DACH1: variants seen among roughly 807,000 people sequenced by gnomAD.
DACH1 encodes the protein dachshund homolog 1.
In DACH1, 12 loss-of-function variants were observed where a neutral mutation model predicts 54.2. The ratio of observed to expected loss-of-function variants is 0.22; its 90% CI spans 0.14 to 0.36. The LOEUF (loss-of-function observed/expected upper bound fraction) is 0.36. Ranked by LOEUF, DACH1 falls within the 10% of genes least tolerant of loss-of-function variation. The pLI is 1.00. For synonymous variants in DACH1, 386 were observed against 366.2 expected (o/e 1.05, Z -0.62); for missense variants, 805 against 929.8 (o/e 0.87, Z 1.75).
intron 1 of DACH1, among the ~76,000 whole-genome samples, chr13:71,722,280 T>A (rs182171432): frequency 2.8e-3 from 433 of 152,284 alleles, no homozygotes; most frequent in Non-Finnish European, 4.5e-3. Flanking sequence ...CCTATGAGAT[T>A]TTCTACCTTT....
intron 6 of DACH1, among the ~76,000 whole-genome samples, chr13:71,510,718 T>TTC (rs1446390374): frequency 6.6e-6 from 1 of 152,070 alleles, no homozygotes; most frequent in East Asian, 1.9e-4. Context: ...AATCTATTTA[T>TTC]TCATTTGAAG....
At chr13:71,476,613 G>T (rs950381111) in intron 8 of DACH1, among the ~76,000 whole-genome samples, 4 of 151,804 alleles carry the variant, frequency 2.6e-5, no homozygotes, top group Non-Finnish European at 4.4e-5. Context: ...ACAATAATGA[G>T]CCTTTTATAT....
chr13:71,790,796 T>C (rs303951), intron 1 of DACH1, among the ~76,000 whole-genome samples: 10,376 of 152,282 alleles, frequency 0.068, 906 homozygotes, highest in African/African-American at 0.2. Flanking sequence ...TGATTATTTT[T>C]ATTTCTTGCT....
intron 1 of DACH1, among the ~76,000 whole-genome samples, chr13:71,862,483 A>G (rs1237801550): frequency 6.6e-6 from 1 of 152,082 alleles, no homozygotes; most frequent in East Asian, 1.9e-4. Context: ...TTGTCCTTTG[A>G]CAACTTTTAA....
chr13:71,611,286 G>A (rs1875311402), intron 3 of DACH1, among the ~76,000 whole-genome samples: 1 of 152,272 alleles, frequency 6.6e-6, no homozygotes, highest in African/African-American at 2.4e-5. Flanking sequence ...TTTTAAAACT[G>A]AATTGGTTGC....
chr13:71,758,944 T>TC (rs1885285602), intron 1 of DACH1, among the ~76,000 whole-genome samples: 3 of 150,360 alleles, frequency 2.0e-5, no homozygotes, highest in African/African-American at 7.3e-5. Flanking sequence ...TTTTTTTTTT[T>TC]CCTGTGGTCC....
chr13:71,738,795 A>AG lies in DACH1; in HGVS notation c.849-56886_849-56885insC. On this transcript the variant is annotated intron_variant, in intron 1 of 10. Coordinates refer to ENST00000613252, the MANE Select transcript of DACH1 (RefSeq NM_080759.6). ...ACTATCAAATGCTCAAGAAAAAAAA[A>AG]CAGAAAGGAAAAGAGAATAAGGACT... Among the ~76,000 whole-genome samples, 4 of 151,370 alleles carry AG rather than the reference A, an allele frequency of 2.6e-5. No individual in the cohort carries two copies. In the South Asian group the frequency reaches 8.4e-4, roughly 32 times the overall value.
rs1463191518 is a variant in DACH1, at chr13:71,734,967, T to TAC, written c.849-53058_849-53057insGT. Reference sequence around the variant, plus strand: ...CACACACACACAGGATATATATATATATACACACACAGGATATATATATAT... The same window carrying TAC: ...CACACACACACAGGATATATATATATACATACACACACAGGATATATATATAT... On this transcript the variant is annotated intron_variant, in intron 1 of 10. Coordinates refer to ENST00000613252, the MANE Select transcript of DACH1 (RefSeq NM_080759.6). Among the ~76,000 whole-genome samples the TAC allele has an allele frequency of 8.4e-5, 9 of 106,514 alleles. No homozygotes were observed. The East Asian group carries it at 1.2e-3, about 15-fold the overall frequency. 69.9% of individuals were successfully genotyped at this position (106,514 alleles called of 152,430 possible). A position where few individuals can be genotyped will look rare whatever the true frequency, so the allele number is the denominator to read the frequency against.
intron 6 of DACH1, among the ~76,000 whole-genome samples, chr13:71,555,780 G>A (rs1037843337): frequency 3.3e-5 from 5 of 152,080 alleles, no homozygotes; most frequent in African/African-American, 9.7e-5. Context: ...AAAAATGTAA[G>A]TTAAAAATTT....
chr13:71,530,734 T>C (rs961968624), intron 6 of DACH1, among the ~76,000 whole-genome samples: 1 of 152,174 alleles, frequency 6.6e-6, no homozygotes, highest in African/African-American at 2.4e-5. Flanking sequence ...GATAATCATA[T>C]CCTTAATATT....
At chr13:71,668,939 A>G (rs573881627) in intron 2 of DACH1, among the ~76,000 whole-genome samples, 2 of 152,168 alleles carry the variant, frequency 1.3e-5, no homozygotes, top group African/African-American at 2.4e-5. Context: ...TAAAAAACAA[A>G]AAAAGAAACA....
intron 6 of DACH1, among the ~76,000 whole-genome samples, chr13:71,546,429 A>T (rs552308148): frequency 6.6e-6 from 1 of 152,032 alleles, no homozygotes; most frequent in African/African-American, 2.4e-5. Context: ...AAATATACCA[A>T]TAAAATAATA....
intron 6 of DACH1, among the ~76,000 whole-genome samples, chr13:71,534,575 A>T (rs1882632043): frequency 6.6e-6 from 1 of 151,800 alleles, no homozygotes; most frequent in South Asian, 2.1e-4. Context: ...TGATGCCCAA[A>T]GTGAGCAATT....
At chr13:71,838,008 GA>G (rs1209104955) in intron 1 of DACH1, among the ~76,000 whole-genome samples, 1 of 57,938 alleles carries the variant, frequency 1.7e-5, no homozygotes, top group Non-Finnish European at 3.2e-5. Context: ...CTGTGGTGGG[GA>G]GGGGGGAGGG....
intron 1 of DACH1, among the ~76,000 whole-genome samples, chr13:71,827,785 T>C (rs1406147451): frequency 6.6e-6 from 1 of 152,070 alleles, no homozygotes; most frequent in Non-Finnish European, 1.5e-5. Context: ...CATAAATATA[T>C]AGCTGATTAG....
intron 3 of DACH1, among the ~76,000 whole-genome samples, chr13:71,588,904 T>C (rs1873480115): frequency 6.6e-6 from 1 of 152,008 alleles, no homozygotes; most frequent in Non-Finnish European, 1.5e-5. Flanking sequence ...TTTATTTAAA[T>C]GGAGCAAGTT....
At chr13:71,459,445 TGAGAA>T (rs1426814759) in intron 10 of DACH1, among the ~76,000 whole-genome samples, 1 of 151,962 alleles carries the variant, frequency 6.6e-6, no homozygotes, top group African/African-American at 2.4e-5. Context: ...GTGAAAGACA[TGAGAA>T]GAGCAATTCT....
At chr13:71,816,676 A>G (rs1352806598) in intron 1 of DACH1, among the ~76,000 whole-genome samples, 1 of 126,760 alleles carries the variant, frequency 7.9e-6, no homozygotes, top group African/African-American at 2.8e-5. Context: ...ATATATACAC[A>G]CATATATATA....
At chr13:71,614,206 G>T (rs2138523731) in intron 3 of DACH1, among the ~76,000 whole-genome samples, 1 of 152,210 alleles carries the variant, frequency 6.6e-6, no homozygotes, top group South Asian at 2.1e-4. Flanking sequence ...ACTAACTATA[G>T]AATTTAACCA....
Sources: gnomAD v4.1 joint callset for allele counts (sites outside exome capture counted in the v4.1 genomes callset) on GRCh38, gnomAD v4.1.1 for gene constraint, MANE v1.5 for transcripts, NCBI Gene and HGNC (gene_info 2026-07-23, HGNC 2026-07-21) for gene names.